FAM13C: variants seen among roughly 807,000 people sequenced by gnomAD.
FAM13C encodes the protein protein FAM13C.
A neutral mutation model predicts 73.2 loss-of-function variants in FAM13C; 37 were observed. That is an observed-to-expected ratio of 0.51 (90% CI 0.39 to 0.67). The LOEUF (loss-of-function observed/expected upper bound fraction) is 0.67, where lower values mean the gene tolerates loss of function less well. FAM13C is among the 30% of genes least tolerant of loss of function. The pLI is 0.00. For synonymous variants in FAM13C, 246 were observed against 260.9 expected, an observed-to-expected ratio of 0.94 and a Z score of 0.55; for missense variants, 589 against 715.6, an observed-to-expected ratio of 0.82 and a Z score of 2.02.
rs1225414665 is a variant in FAM13C at position 59,246,612 on chromosome 10, T to C, written c.*1002A>G. ...TAACACAAAATGATATACACTGAAG[T>C]TGATGAAGCAAATAAATATTCTGGC... On this transcript the variant is annotated 3_prime_UTR_variant, in exon 14 of 14. Transcript: ENST00000618804. 5 of 397,656 alleles carry C rather than the reference T, an allele frequency of 1.3e-5. No homozygotes were observed. Among genetic ancestry groups the C allele is most frequent in the Non-Finnish European group, 2.2e-5 (5 of 225,242 alleles). 24.6% of individuals were successfully genotyped at this position (397,656 alleles called of 1,614,324 possible).
intron 5 of FAM13C, among the ~76,000 whole-genome samples, chr10:59,289,414 G>C (rs1025724767): frequency 6.6e-6 from 1 of 152,158 alleles, no homozygotes; most frequent in Admixed American, 6.5e-5. Context: ...GTGCCCTGCA[G>C]AGCCACCCCA....
intron 12 of FAM13C, among the ~76,000 whole-genome samples, chr10:59,252,227 A>G (rs185690049): frequency 6.6e-6 from 1 of 152,316 alleles, no homozygotes; most frequent in Admixed American, 6.5e-5. Context: ...GGAATCTGGT[A>G]TATACACAAG....
intron 5 of FAM13C, among the ~76,000 whole-genome samples, chr10:59,287,033 C>CAAA (rs1202727571): frequency 1.5e-4 from 6 of 38,976 alleles, no homozygotes; most frequent in South Asian, 1.0e-3. Context: ...GACTCCATCT[C>CAAA]AAAAAAAAAA....
intron 10 of FAM13C, among the ~76,000 whole-genome samples, chr10:59,260,577 T>C (rs192198488): frequency 1.1e-4 from 16 of 152,264 alleles, no homozygotes; most frequent in Admixed American, 6.5e-4. Context: ...GTAGAAACTA[T>C]ACCCATATTT....
chr10:59,265,330 G>GTGGA (rs1216718851), intron 8 of FAM13C, among the ~76,000 whole-genome samples: 1 of 52,320 alleles, frequency 1.9e-5, no homozygotes, highest in Non-Finnish European at 4.2e-5. Context: ...GGCGGGGGGG[G>GTGGA]GGGGGAATCC....
At chr10:59,344,457 T>TA (rs972873841) in intron 3 of FAM13C, among the ~76,000 whole-genome samples, 9 of 149,170 alleles carry the variant, frequency 6.0e-5, no homozygotes, top group African/African-American at 9.9e-5. Context: ...TTTTTTTTTT[T>TA]ATTTTTAGTA....
chr10:59,302,732 G>A, intron 5 of FAM13C, 69 bp downstream of exon 5: 1 of 1,438,584 alleles, frequency 7.0e-7, no homozygotes, highest in Non-Finnish European at 9.8e-7. Flanking sequence ...TCCTAGTACT[G>A]TGAAAAAGAA....
chr10:59,321,694 G>A (rs188318833), intron 4 of FAM13C, among the ~76,000 whole-genome samples: 191 of 152,014 alleles, frequency 1.3e-3, no homozygotes, highest in African/African-American at 4.5e-3. Flanking sequence ...GAGAGCTGTA[G>A]GTATGAAATT....
Position 59,247,654 on chromosome 10 carries a change from T to G in FAM13C, c.1718A>C (p.Glu573Ala), listed in dbSNP as rs1840831288. 1 of 1,613,430 alleles carries G rather than the reference T, an allele frequency of 6.2e-7. No individual in the cohort carries two copies. The change falls in exon 14 of 14, where the codon GAG (glutamate) becomes GCG (alanine). Residue 573 changes from glutamate to alanine, a missense_variant. Physicochemically the swap from Glu to Ala is moderately radical, Grantham distance 107. Coordinates refer to ENST00000618804, the MANE Select transcript of FAM13C (RefSeq NM_198215.4). ...CACATCTTGCTTGCTGATGAGGACC[T>G]CTAATAGTCTCAGTTTGGCTTTTAT... ...KHIKAKLRLL[E>A]VLISKQDVAK... is the part of the protein sequence containing the mutation.
At chr10:59,259,826 T>G (rs1332291876) in intron 10 of FAM13C, among the ~76,000 whole-genome samples, 1 of 152,182 alleles carries the variant, frequency 6.6e-6, no homozygotes, top group East Asian at 1.9e-4. Context: ...CTATTTGACT[T>G]ACATGCCTCA....
At chr10:59,248,878 A>G (rs144200698) in intron 13 of FAM13C, among the ~76,000 whole-genome samples, 75 of 152,306 alleles carry the variant, frequency 4.9e-4, no homozygotes, top group African/African-American at 1.8e-3. Flanking sequence ...AGAACTCAGA[A>G]CAGTATACAA....
intron 10 of FAM13C, among the ~76,000 whole-genome samples, chr10:59,261,521 A>G (rs574495897): frequency 6.6e-6 from 1 of 152,266 alleles, no homozygotes; most frequent in Admixed American, 6.5e-5. Flanking sequence ...TCATCTGCTC[A>G]TTTTTCCATT....
intron 4 of FAM13C, among the ~76,000 whole-genome samples, chr10:59,314,756 C>G: frequency 6.6e-6 from 1 of 152,060 alleles, no homozygotes; most frequent in Non-Finnish European, 1.5e-5. Flanking sequence ...TCAGAGTGCT[C>G]TTGATAAGAA....
chr10:59,325,852 G>T (rs1001361147), intron 3 of FAM13C, among the ~76,000 whole-genome samples: 2 of 151,990 alleles, frequency 1.3e-5, no homozygotes, highest in Non-Finnish European at 2.9e-5. Context: ...TTCAGCAAAA[G>T]AAAACTTATT....
At chr10:59,287,105 G>C (rs140072054) in intron 5 of FAM13C, among the ~76,000 whole-genome samples, 2 of 150,314 alleles carry the variant, frequency 1.3e-5, no homozygotes, top group Non-Finnish European at 3.0e-5. Context: ...GGGAGGCAGA[G>C]GTGGGAGGAT....
At chr10:59,360,350 T>C (rs1246257680) in intron 1 of FAM13C, among the ~76,000 whole-genome samples, 1 of 151,914 alleles carries the variant, frequency 6.6e-6, no homozygotes, top group Non-Finnish European at 1.5e-5. Context: ...AGAAAATAAG[T>C]GGGTGTGAGT....
rs1464074461 is a variant in FAM13C at position 59,343,781 on chromosome 10, T to G, written c.324+8489A>C. ...ACCTACTGGTGACCAATGATGGTTA[T>G]GTACCATGTGTGAGAAATGCACTTT... On this transcript the variant is annotated intron_variant, in intron 3 of 13. Coordinates refer to ENST00000618804, the MANE Select transcript of FAM13C (RefSeq NM_198215.4). Among the ~76,000 whole-genome samples the G allele has an allele frequency of 2.0e-5, 3 of 152,188 alleles. No individual in the cohort carries two copies. In the South Asian group the frequency reaches 6.2e-4, roughly 32 times the overall value.
At position 59,269,918 on chromosome 10, in the gene FAM13C, T is replaced by C; in HGVS notation, c.784A>G (p.Ser262Gly). 6.2e-7 allele frequency: 1 copy of C among 1,613,922 alleles called. No individual in the cohort carries two copies. Among genetic ancestry groups the C allele is most frequent in the South Asian group, 1.1e-5 (1 of 91,078 alleles). ...TCTCACATCATAAACTGCTGAGTGC[T>C]GGGTGGAGATGGGGCTGACTCGGGG... ...LDPESAPSPP[S>G]TQQFMMPRSS... The change falls in exon 7 of 14, where the codon AGC becomes GGC. Residue 262 changes from serine to glycine, a missense_variant. Coordinates refer to ENST00000618804, the MANE Select transcript of FAM13C (RefSeq NM_198215.4).
chr10:59,293,954 G>A (rs1846593953), intron 5 of FAM13C, among the ~76,000 whole-genome samples: 2 of 152,216 alleles, frequency 1.3e-5, no homozygotes, highest in Admixed American at 1.3e-4. Context: ...TTTTCTAAAA[G>A]TTAGCAGGGG....
Sources: gnomAD v4.1 joint callset for allele counts (sites outside exome capture counted in the v4.1 genomes callset) on GRCh38, gnomAD v4.1.1 for gene constraint, MANE v1.5 for transcripts, NCBI Gene and HGNC (gene_info 2026-07-23, HGNC 2026-07-21) for gene names.